COL15A1: variants seen among roughly 807,000 people sequenced by gnomAD.
COL15A1 encodes the protein collagen alpha-1(XV) chain.
Under a neutral mutation model 165.9 loss-of-function variants are expected in COL15A1, and 111 were observed. The observed-to-expected ratio is 0.67, with a 90% CI of 0.57 to 0.78. COL15A1 has a LOEUF of 0.78. Among genes scored for constraint, COL15A1 ranks in the 30% least tolerant of loss-of-function variants. The pLI, the probability that COL15A1 is intolerant of heterozygous loss-of-function variation, is 0.00. For synonymous variants in COL15A1, 659 were observed against 674.8 expected (o/e 0.98, Z 0.36); for missense variants, 1,745 against 1,789.7 (o/e 0.98, Z 0.45).
intron 5 of COL15A1, among the ~76,000 whole-genome samples, chr9:98,993,876 C>T (rs1838496034): frequency 6.6e-6 from 1 of 152,182 alleles, no homozygotes; most frequent in African/African-American, 2.4e-5. Flanking sequence ...CATCCTCAGC[C>T]TTTCCAGCCT....
intron 23 of COL15A1, 100 bp downstream of exon 23, chr9:99,040,656 G>A (rs1839386081): frequency 6.3e-7 from 1 of 1,590,916 alleles, no homozygotes; most frequent in African/African-American, 1.3e-5. Context: ...GCATGACTGA[G>A]CTCCAGGGGC....
At chr9:99,066,620 T>G (rs1401763003) in intron 39 of COL15A1, among the ~76,000 whole-genome samples, 4 of 141,602 alleles carry the variant, frequency 2.8e-5, no homozygotes, top group African/African-American at 1.0e-4. Context: ...TTTTTTTTTT[T>G]TTTTCACCTA....
rs765004603 is a variant in COL15A1 at position 99,063,021 on chromosome 9, A to G, written c.3592-29A>G. The G allele has an allele frequency of 6.3e-6, 10 of 1,590,158 alleles. No homozygotes were observed. The South Asian group carries it at 1.0e-4, about 17-fold the overall frequency. ...AGAACAGATTGAATGCATATTCAGA[A>G]CTGTTTCTTTTCCTCCTTTTCATAA... On this transcript the variant is annotated intron_variant, in intron 38 of 41. Coordinates refer to ENST00000375001, the MANE Select transcript of COL15A1 (RefSeq NM_001855.5).
chr9:98,995,479 T>A (rs1392365826), intron 5 of COL15A1, among the ~76,000 whole-genome samples: 1 of 152,000 alleles, frequency 6.6e-6, no homozygotes, highest in East Asian at 1.9e-4. Flanking sequence ...GGCCCTTGGG[T>A]TCAAGCCCAT....
At chr9:98,984,837 G>A (rs1838283046) in intron 2 of COL15A1, among the ~76,000 whole-genome samples, 1 of 152,158 alleles carries the variant, frequency 6.6e-6, no homozygotes, top group African/African-American at 2.4e-5. Context: ...TGTCACTGAG[G>A]CTGGAGTGCT....
intron 6 of COL15A1, 105 bp downstream of exon 6, chr9:98,997,186 C>A: frequency 7.2e-7 from 1 of 1,380,554 alleles, no homozygotes; most frequent in South Asian, 1.4e-5. Flanking sequence ...TTAACCTTCC[C>A]CTCAACCCTT....
In COL15A1 at chr9:99,022,074, C is replaced by G; in HGVS notation, c.1702-17C>G. On this transcript the variant is annotated splice_polypyrimidine_tract_variant and intron_variant, in intron 12 of 41. Coordinates refer to ENST00000375001, the MANE Select transcript of COL15A1 (RefSeq NM_001855.5). The stretch of plus-strand genomic sequence containing the variant: ...AACAGAGTTCCAGCCGTTCACTGAC[C>G]ATTTTGTTCTCTTTAGGGTGATGCT... 2 of 1,613,798 alleles carry G rather than the reference C, an allele frequency of 1.2e-6. No individual in the cohort carries two copies. The highest frequency in any genetic ancestry group is 2.7e-5 in the African/African-American group (2 of 75,042).
intron 13 of COL15A1, among the ~76,000 whole-genome samples, chr9:99,022,537 C>G (rs1201503552): frequency 1.3e-5 from 2 of 152,188 alleles, no homozygotes; most frequent in Admixed American, 6.5e-5. Flanking sequence ...CCATGTCCCC[C>G]TGAGTCTAGC....
intron 26 of COL15A1, among the ~76,000 whole-genome samples, chr9:99,047,271 T>A (rs939703214): frequency 5.3e-5 from 8 of 152,008 alleles, no homozygotes; most frequent in African/African-American, 1.7e-4. Context: ...ATGACTGGGG[T>A]GTCAGACCAA....
chr9:98,981,903 C>T (rs1184888225), intron 2 of COL15A1, among the ~76,000 whole-genome samples: 7 of 152,108 alleles, frequency 4.6e-5, no homozygotes, highest in Admixed American at 1.3e-4. Flanking sequence ...CTCCTAGGCG[C>T]AAGTGATCCT....
intron 7 of COL15A1, 30 bp from the exon 8 acceptor site, chr9:99,003,423 C>T: frequency 7.0e-7 from 1 of 1,430,166 alleles, no homozygotes; most frequent in South Asian, 1.6e-5. Flanking sequence ...AGCCCAGAGA[C>T]ATGGTCTCTT....
Position 99,062,009 on chromosome 9 carries a change from A to T in COL15A1, c.3441A>T (p.Lys1147Asn), listed in dbSNP as rs957801927. The T allele has an allele frequency of 2.5e-6, 4 of 1,613,834 alleles. No homozygotes were observed. The highest frequency in any genetic ancestry group is 3.4e-6 in the Non-Finnish European group (4 of 1,179,930). ...GCAACATGGATGACATGCTGCAGAAAGCGCATTTGGTTATAGAAGGAACAT... is the reference window on the plus strand; with the variant it reads ...GCAACATGGATGACATGCTGCAGAATGCGCATTTGGTTATAGAAGGAACAT... The part of the protein sequence containing the change: ...AFSNMDDMLQ[K>N]AHLVIEGTFI... Residue 1147 changes from lysine (K) to asparagine (N), a missense_variant, in exon 37 of 42, where the codon AAA (lysine) becomes AAT (asparagine). By Grantham distance (94) the Lys-to-Asn change is moderately conservative. Coordinates refer to ENST00000375001, the MANE Select transcript of COL15A1 (RefSeq NM_001855.5).
intron 2 of COL15A1, among the ~76,000 whole-genome samples, chr9:98,981,952 A>G (rs911145229): frequency 6.6e-6 from 1 of 152,074 alleles, no homozygotes; most frequent in Admixed American, 6.5e-5. Context: ...ACAGGCACGC[A>G]CTACCACATT....
intron 7 of COL15A1, among the ~76,000 whole-genome samples, chr9:99,002,927 A>G (rs1035442221): frequency 3.9e-5 from 6 of 152,238 alleles, no homozygotes; most frequent in African/African-American, 1.4e-4. Flanking sequence ...ACCAGCCCCA[A>G]AGCTGCTCTC....
Position 99,044,785 on chromosome 9 carries a change from C to T in COL15A1, c.2679+15C>T, listed in dbSNP as rs1187535056. 7 of 1,610,928 alleles carry T rather than the reference C, an allele frequency of 4.3e-6. No individual in the cohort carries two copies. The highest frequency in any genetic ancestry group is 1.7e-4 in the Middle Eastern group (1 of 6,052). The stretch of plus-strand genomic sequence containing the variant: ...CAGGACCAATGGTAAGTCAGAGCGT[C>T]TCTCAGCTGGATCTGGGCTGGGGTT... On this transcript the variant is annotated intron_variant, in intron 26 of 41. Coordinates refer to ENST00000375001, the MANE Select transcript of COL15A1 (RefSeq NM_001855.5).
intron 8 of COL15A1, 119 bp from the exon 9 acceptor site, chr9:99,004,779 G>A: frequency 1.8e-6 from 2 of 1,101,246 alleles, no homozygotes; most frequent in African/African-American, 1.6e-5. Flanking sequence ...GGGTTTCCAT[G>A]TGAAGTGAGG....
At chr9:98,996,241 C>G (rs969957611) in intron 5 of COL15A1, among the ~76,000 whole-genome samples, 1 of 152,198 alleles carries the variant, frequency 6.6e-6, no homozygotes, top group Non-Finnish European at 1.5e-5. Flanking sequence ...GCACCCCCAG[C>G]CCCTTTAGCT....
chr9:99,026,252 C>G (rs925894208), intron 16 of COL15A1, among the ~76,000 whole-genome samples: 19 of 152,322 alleles, frequency 1.2e-4, no homozygotes, highest in Middle Eastern at 3.4e-3. Flanking sequence ...ACTCCTCCTT[C>G]CCTCCCTTTC....
Position 99,051,695 on chromosome 9 carries a change from G to A in COL15A1, c.2905-693G>A, listed in dbSNP as rs74960870. On this transcript the variant is annotated intron_variant, in intron 30 of 41. Transcript: ENST00000375001. ...CTGAGCAGCTTGTGACCCTCCACCC[G>A]TAAGCACAGAAGGATTTTGGCACCA... Among the ~76,000 whole-genome samples the A allele has an allele frequency of 8.7e-3, 1,317 of 152,220 alleles. 12 individuals are homozygous for A. Among genetic ancestry groups the A allele is most frequent in the African/African-American group, 0.027 (1,133 of 41,520 alleles).
Sources: gnomAD v4.1 joint callset for allele counts (sites outside exome capture counted in the v4.1 genomes callset) on GRCh38, gnomAD v4.1.1 for gene constraint, MANE v1.5 for transcripts, NCBI Gene and HGNC (gene_info 2026-07-23, HGNC 2026-07-21) for gene names.